GALNT14: variants seen among roughly 807,000 people sequenced by gnomAD.
GALNT14 encodes polypeptide N-acetylgalactosaminyltransferase 14, also known as UDP-GalNAc:polypeptide N-acetylgalactosaminyltransferase 14.
Under a neutral mutation model 77.5 loss-of-function variants are expected in GALNT14, and 60 were observed. The observed-to-expected ratio is 0.77, with a 90% CI of 0.63 to 0.96. The LOEUF (loss-of-function observed/expected upper bound fraction) is 0.96. Ranked by LOEUF, GALNT14 falls within the 40% of genes least tolerant of loss-of-function variation. GALNT14 has a pLI of 0.00. For missense variants in GALNT14, 710 were observed against 731.0 expected, an observed-to-expected ratio of 0.97 and a Z score of 0.33; for synonymous variants, 280 against 281.7, an observed-to-expected ratio of 0.99 and a Z score of 0.06.
chr2:30,987,469 CA>C (rs1669368319), intron 2 of GALNT14, among the ~76,000 whole-genome samples: 1 of 152,216 alleles, frequency 6.6e-6, no homozygotes, highest in Non-Finnish European at 1.5e-5. Flanking sequence ...TCTCACACTC[CA>C]CATAGACTGG....
intron 1 of GALNT14, among the ~76,000 whole-genome samples, chr2:31,066,367 A>G (rs1674963596): frequency 7.7e-6 from 1 of 129,070 alleles, no homozygotes; most frequent in Non-Finnish European, 1.6e-5. Context: ...GCCATTACTC[A>G]CCCACACCAC....
At chr2:30,915,121 A>G (rs765954672) in intron 13 of GALNT14, among the ~76,000 whole-genome samples, 1 of 151,316 alleles carries the variant, frequency 6.6e-6, no homozygotes, top group Non-Finnish European at 1.5e-5. Flanking sequence ...GCATTAACTG[A>G]TTAAATATAA....
intron 1 of GALNT14, among the ~76,000 whole-genome samples, chr2:31,084,812 G>T (rs1676335049): frequency 6.6e-6 from 1 of 152,164 alleles, no homozygotes; most frequent in South Asian, 2.1e-4. Context: ...ATTGCCTGAG[G>T]TCAGGAGTTC....
chr2:30,965,848 C>G (rs1414314080), intron 3 of GALNT14, among the ~76,000 whole-genome samples: 1 of 152,108 alleles, frequency 6.6e-6, no homozygotes, highest in Non-Finnish European at 1.5e-5. Context: ...TGCACTCAGC[C>G]TTTCAGGGCC....
At chr2:30,955,123 G>A (rs796458668) in intron 6 of GALNT14, among the ~76,000 whole-genome samples, 39 of 152,312 alleles carry the variant, frequency 2.6e-4, no homozygotes, top group African/African-American at 6.7e-4. Context: ...TAAGGGCAAA[G>A]AGGGGCAAGG....
At chr2:30,920,489 A>C (rs1303755938) in intron 13 of GALNT14, among the ~76,000 whole-genome samples, 2 of 152,266 alleles carry the variant, frequency 1.3e-5, no homozygotes, top group Admixed American at 1.3e-4. Flanking sequence ...CAAAGCAGCC[A>C]TAAGAGGAGA....
At chr2:30,897,018 C>A in the GALNT14 span, among the ~76,000 whole-genome samples, 1 of 152,120 alleles carries the variant, frequency 6.6e-6, no homozygotes, top group East Asian at 1.9e-4. Flanking sequence ...AATGCTACGC[C>A]CTTGCTCCAA....
chr2:30,940,472 A>G (rs1395187629), intron 9 of GALNT14, among the ~76,000 whole-genome samples: 1 of 152,220 alleles, frequency 6.6e-6, no homozygotes, highest in East Asian at 1.9e-4. Context: ...AGAATTCTCT[A>G]ATAGTTCAAC....
the GALNT14 span, among the ~76,000 whole-genome samples, chr2:30,888,695 C>T: frequency 6.6e-6 from 1 of 151,982 alleles, no homozygotes; most frequent in Non-Finnish European, 1.5e-5. Flanking sequence ...CCTGTTCCTA[C>T]CAATGGCCAT....
chr2:31,072,053 C>G (rs1407202467), intron 1 of GALNT14, among the ~76,000 whole-genome samples: 1 of 151,990 alleles, frequency 6.6e-6, no homozygotes, highest in Non-Finnish European at 1.5e-5. Flanking sequence ...GGGGAGGAGT[C>G]AGAAAGGGAG....
downstream of GALNT14, among the ~76,000 whole-genome samples, chr2:30,907,354 G>T (rs533576620): frequency 2.0e-5 from 3 of 151,954 alleles, no homozygotes; most frequent in Non-Finnish European, 4.4e-5. Context: ...TCTAATAGAC[G>T]CAATAAAAAA....
intron 3 of GALNT14, 74 bp from the exon 4 acceptor site, chr2:30,958,538 T>TGCAATGGTATCTATTTAAA: frequency 8.9e-7 from 1 of 1,126,452 alleles, no homozygotes; most frequent in Non-Finnish European, 1.3e-6. Context: ...GAGTTTTAAA[T>TGCAATGGTATCTATTTAAA]AGATACCATT....
At chr2:30,971,479 CT>C (rs1397525668) in intron 2 of GALNT14, among the ~76,000 whole-genome samples, 1 of 152,126 alleles carries the variant, frequency 6.6e-6, no homozygotes, top group African/African-American at 2.4e-5. Context: ...GCCACAGCAG[CT>C]CATGAGGAAG....
intron 1 of GALNT14, among the ~76,000 whole-genome samples, chr2:31,059,370 C>A (rs542835841): frequency 6.6e-6 from 1 of 152,254 alleles, no homozygotes; most frequent in East Asian, 1.9e-4. Flanking sequence ...TGAATAAATA[C>A]TCTCAGGAAT....
chr2:30,988,579 G>A (rs974532139), intron 2 of GALNT14, among the ~76,000 whole-genome samples: 1 of 151,866 alleles, frequency 6.6e-6, no homozygotes, highest in Non-Finnish European at 1.5e-5. Flanking sequence ...TAGTGTGTGG[G>A]GGAGGTGGTG....
At chr2:31,048,594 CCA>C (rs1673634292) in intron 1 of GALNT14, among the ~76,000 whole-genome samples, 1 of 130,090 alleles carries the variant, frequency 7.7e-6, no homozygotes, top group African/African-American at 3.0e-5. Context: ...CTCCCCACCC[CCA>C]CTCCTGCCTC....
intron 1 of GALNT14, among the ~76,000 whole-genome samples, chr2:31,004,603 G>GA (rs1477292043): frequency 1.3e-5 from 2 of 152,190 alleles, no homozygotes; most frequent in Non-Finnish European, 2.9e-5. Flanking sequence ...CAATATCAGA[G>GA]AAAGGAGGCC....
At chr2:30,987,212 G>A (rs1225234645) in intron 2 of GALNT14, among the ~76,000 whole-genome samples, 1 of 152,164 alleles carries the variant, frequency 6.6e-6, no homozygotes, top group Non-Finnish European at 1.5e-5. Context: ...TCTACAGGCT[G>A]ACGACAGAGG....
chr2:30,892,416 C>T, the GALNT14 span, among the ~76,000 whole-genome samples: 1 of 152,086 alleles, frequency 6.6e-6, no homozygotes, highest in Non-Finnish European at 1.5e-5. Context: ...GAAACAGTAA[C>T]AAGCTAAAGA....
Sources: allele counts gnomAD v4.1 joint callset (sites outside exome capture counted in the v4.1 genomes callset), GRCh38; gene constraint gnomAD v4.1.1; transcripts MANE v1.5; gene names NCBI Gene and HGNC (gene_info 2026-07-23, HGNC 2026-07-21).